The following RAB11FIP2 variants were observed in gnomAD, a reference collection of about 807,000 sequenced individuals.
RAB11FIP2 encodes the protein RAB11 family interacting protein 2, also known as rab11 family-interacting protein 2.
Under a neutral mutation model 40.9 loss-of-function variants are expected in RAB11FIP2, and 16 were observed. The observed-to-expected ratio is 0.39, with a 90% CI of 0.26 to 0.59. RAB11FIP2 has a LOEUF of 0.59. Ranked by LOEUF, RAB11FIP2 falls within the 20% of genes least tolerant of loss-of-function variation. The probability of loss-of-function intolerance (pLI) is 0.53; values close to 1 mark genes in which losing one functional copy is unlikely to be tolerated. For synonymous variants in RAB11FIP2, 228 were observed against 213.7 expected (o/e 1.07, Z -0.58); for missense variants, 532 against 606.2 (o/e 0.88, Z 1.28).
At chr10:118,015,308 T>C (rs564904703) in intron 3 of RAB11FIP2, among the ~76,000 whole-genome samples, 198 bp from the exon 4 acceptor site, 26 of 152,182 alleles carry the variant, frequency 1.7e-4, no homozygotes, top group Admixed American at 7.9e-4. Flanking sequence ...ATTTCAAACT[T>C]TGAAGGAAAA....
At chr10:118,014,516 G>A (rs186044407) in intron 4 of RAB11FIP2, among the ~76,000 whole-genome samples, 10 of 152,216 alleles carry the variant, frequency 6.6e-5, no homozygotes, top group African/African-American at 1.7e-4. Flanking sequence ...TGCAAAATAC[G>A]TGAGTTGATT....
rs1390118402 is a variant in RAB11FIP2, at chr10:118,007,202, G to A, written c.*1796C>T. On this transcript the variant is annotated 3_prime_UTR_variant, in exon 5 of 5. Transcript: ENST00000355624. ...AAAAAACTACCAAGACCTCAAACGG[G>A]AAAATACCATTCTACACCAGACTTT... is the stretch of plus-strand genomic sequence containing the variant. 2 of 150,670 alleles carry A rather than the reference G, an allele frequency of 1.3e-5. No individual in the cohort carries two copies. Among genetic ancestry groups the A allele is most frequent in the Non-Finnish European group, 3.0e-5 (2 of 67,602 alleles). The allele number at this position is 150,670 out of a possible 1,614,324, so 9.3% of individuals were successfully genotyped here.
chr10:118,039,026 G>A lies in RAB11FIP2; in HGVS notation c.1211C>T (p.Ser404Leu), dbSNP rs978292449. ...GAATTTTGCTGTAAATGGATTGGTT[G>A]ACTCATAATCAAAATAGTCCTGGCG... is the stretch of plus-strand genomic sequence containing the variant. ...ENRQDYFDYE[S>L]TNPFTAKFRA... The change falls in exon 3 of 5, where the codon TCA becomes TTA. Residue 404 changes from serine (S) to leucine (L), a missense_variant. Transcript: ENST00000355624. The A allele has an allele frequency of 7.4e-6, 12 of 1,611,002 alleles. No homozygotes were observed. In the Admixed American group the frequency reaches 1.3e-4, roughly 18 times the overall value.
Position 118,007,398 on chromosome 10 carries a change from C to A in RAB11FIP2, c.*1600G>T, listed in dbSNP as rs554252968. ...ACAAATAACAAGGGGTTTTAGTTTA[C>A]AAATACGAGCTTGGCCAAGTATTCT... On this transcript the variant is annotated 3_prime_UTR_variant, in exon 5 of 5. Transcript: ENST00000355624. 1 of 149,638 alleles carries A rather than the reference C, an allele frequency of 6.7e-6. No homozygotes were observed. Among genetic ancestry groups the A allele is most frequent in the African/African-American group, 2.5e-5 (1 of 40,640 alleles). 9.3% of individuals were successfully genotyped at this position (149,638 alleles called of 1,614,324 possible).
Position 118,009,160 on chromosome 10 carries a change from C to A in RAB11FIP2, c.1377G>T (p.Glu459Asp), listed in dbSNP as rs146055595. The change falls in exon 5 of 5, where the codon GAG becomes GAT. Residue 459 changes from glutamate to aspartate, a missense_variant. Glu to Asp is a conservative substitution (Grantham distance 45). Coordinates refer to ENST00000355624, the MANE Select transcript of RAB11FIP2 (RefSeq NM_014904.3). The stretch of plus-strand genomic sequence containing the variant: ...TAAGGAGTTCTTTGTGTTTCACCAG[C>A]TCCTGTAGAACCTCTTCATAGGTCA... Reference protein sequence around the residue: ...RSLTYEEVLQELVKHKELLRR... With the variant: ...RSLTYEEVLQDLVKHKELLRR... 1.2e-5 allele frequency: 20 copies of A among 1,613,482 alleles called. No individual in the cohort carries two copies. Among genetic ancestry groups the A allele is most frequent in the Non-Finnish European group, 1.6e-5 (19 of 1,179,614 alleles).
rs754400268 is a variant in RAB11FIP2 at position 118,046,127 on chromosome 10, T to C, written c.37A>G (p.Thr13Ala). 2 of 1,614,178 alleles carry C rather than the reference T, an allele frequency of 1.2e-6. No individual in the cohort carries two copies. Among genetic ancestry groups the C allele is most frequent in the Middle Eastern group, 1.7e-4 (1 of 6,040 alleles). The change falls in exon 1 of 5, where the codon ACC (threonine) becomes GCC (alanine). Residue 13 changes from threonine to alanine, a missense_variant. Transcript: ENST00000355624. ...LSEQAQKWFP[T>A]HVQVTVLQAK... ...TGGAGCACTGTGACCTGCACGTGGG[T>C]TGGAAACCACTTTTGGGCTTGCTCG...
chr10:118,045,593 T>C, intron 1 of RAB11FIP2: 1 of 498,172 alleles, frequency 2.0e-6, no homozygotes, highest in East Asian at 3.4e-5. Flanking sequence ...TGACAGATGT[T>C]TAACAGAAAG....
chr10:118,027,579 T>C (rs769456463), intron 3 of RAB11FIP2, among the ~76,000 whole-genome samples: 1 of 151,868 alleles, frequency 6.6e-6, no homozygotes, highest in African/African-American at 2.4e-5. Flanking sequence ...TAACAAAGAG[T>C]TCATTATACT....
At position 118,006,180 on chromosome 10, in the gene RAB11FIP2, G is replaced by A. The variant is rs1846088561; in HGVS notation, c.*2818C>T. The A allele has an allele frequency of 6.6e-6, 1 of 152,600 alleles. No homozygotes were observed. Among genetic ancestry groups the A allele is most frequent in the Non-Finnish European group, 1.5e-5 (1 of 68,032 alleles). The allele number at this position is 152,600 out of a possible 1,614,324, so 9.5% of individuals were successfully genotyped here. A position where few individuals can be genotyped will look rare whatever the true frequency, so the allele number is the denominator to read the frequency against. ...ATGAAACTTGAAGCGTAAGTGGTAGGAAGGTATGTTCAATATTTTTAAAGC... is the reference window on the plus strand; with the variant it reads ...ATGAAACTTGAAGCGTAAGTGGTAGAAAGGTATGTTCAATATTTTTAAAGC... On this transcript the variant is annotated 3_prime_UTR_variant, in exon 5 of 5. Transcript: ENST00000355624.
chr10:118,041,194 A>G (rs1359696858), intron 1 of RAB11FIP2, among the ~76,000 whole-genome samples: 5 of 152,066 alleles, frequency 3.3e-5, no homozygotes, highest in African/African-American at 1.2e-4. Context: ...TAAAATATGC[A>G]AAAAATAAGT....
chr10:118,033,021 C>G (rs1846433689), intron 3 of RAB11FIP2, among the ~76,000 whole-genome samples: 1 of 151,864 alleles, frequency 6.6e-6, no homozygotes, highest in South Asian at 2.1e-4. Flanking sequence ...ATTATTGTTA[C>G]TCTCTTACTG....
At chr10:118,017,501 GC>G (rs1400799113) in intron 3 of RAB11FIP2, 4 of 152,166 alleles carry the variant, frequency 2.6e-5, no homozygotes, top group Non-Finnish European at 5.9e-5. Context: ...GACAAGGAGG[GC>G]TCTGCAAACA....
chr10:118,007,570 T>C lies in RAB11FIP2; in HGVS notation c.*1428A>G, dbSNP rs1846108412. On this transcript the variant is annotated 3_prime_UTR_variant, in exon 5 of 5. Coordinates refer to ENST00000355624, the MANE Select transcript of RAB11FIP2 (RefSeq NM_014904.3). The stretch of plus-strand genomic sequence containing the variant: ...AGATTGGGGAATATGTAAGTCTCCA[T>C]ATGGACATGAATTTTCATTTTAAAT... 6.6e-6 allele frequency: 1 copy of C among 152,136 alleles called. No individual in the cohort carries two copies. The allele number at this position is 152,136 out of a possible 1,614,324, so 9.4% of individuals were successfully genotyped here. A position where few individuals can be genotyped will look rare whatever the true frequency, so the allele number is the denominator to read the frequency against.
At chr10:118,037,827 ACTCCAAGGATACCAAAATCCAG>A (rs1478167804) in intron 3 of RAB11FIP2, among the ~76,000 whole-genome samples, 1 of 151,898 alleles carries the variant, frequency 6.6e-6, no homozygotes, top group Non-Finnish European at 1.5e-5. Flanking sequence ...TGGTTCCAGG[ACTCCAAGGATACCAAAATCCAG>A]GGATATTCAA....
At chr10:118,041,278 T>C (rs186026011) in intron 1 of RAB11FIP2, among the ~76,000 whole-genome samples, 211 of 152,132 alleles carry the variant, frequency 1.4e-3, no homozygotes, top group African/African-American at 4.8e-3. Flanking sequence ...AAATGCTTCT[T>C]GTTTGAATCT....
chr10:118,044,157 G>T (rs989336843), intron 1 of RAB11FIP2, among the ~76,000 whole-genome samples: 1 of 152,120 alleles, frequency 6.6e-6, no homozygotes, highest in Non-Finnish European at 1.5e-5. Flanking sequence ...TGTTGCCCAG[G>T]ACTAGGAGTA....
intron 3 of RAB11FIP2, among the ~76,000 whole-genome samples, chr10:118,028,375 G>C (rs1388189687): frequency 1.3e-5 from 2 of 151,494 alleles, no homozygotes; most frequent in Non-Finnish European, 1.5e-5. Context: ...CAAAGACCAA[G>C]AATTAATCCT....
At chr10:118,034,037 T>C in intron 3 of RAB11FIP2, 2 of 701,774 alleles carry the variant, frequency 2.8e-6, no homozygotes, top group South Asian at 1.5e-5. Flanking sequence ...GTCAGCAAAG[T>C]ATTTCTGTAA....
At chr10:118,025,380 ATT>A (rs1846330849) in intron 3 of RAB11FIP2, among the ~76,000 whole-genome samples, 2 of 152,184 alleles carry the variant, frequency 1.3e-5, no homozygotes, top group African/African-American at 4.8e-5. Context: ...ATATCTGCAA[ATT>A]TCTTATGCCA....
Sources: gnomAD v4.1 joint callset for allele counts (sites outside exome capture counted in the v4.1 genomes callset) on GRCh38, gnomAD v4.1.1 for gene constraint, MANE v1.5 for transcripts, NCBI Gene and HGNC (gene_info 2026-07-23, HGNC 2026-07-21) for gene names.